Variants in REELD1 observed in about 807,000 individuals in gnomAD.
REELD1 encodes the protein reeler domain containing 1, also known as reelin domain-containing protein 1.
In REELD1, 12 loss-of-function variants were observed where a neutral mutation model predicts 6.3. The ratio of observed to expected loss-of-function variants is 1.89; its 90% CI spans 1.21 to 3.07. REELD1 has a LOEUF of 3.07. Ranked by LOEUF, REELD1 falls within the 30% of genes most tolerant of loss-of-function variation. The pLI is 0.00. For synonymous variants in REELD1, 57 were observed against 33.6 expected (o/e 1.70, Z -2.42); for missense variants, 163 against 86.8 (o/e 1.88, Z -3.49).
intron 5 of REELD1, among the ~76,000 whole-genome samples, chr4:146,226,234 C>A (rs141351772): frequency 1.1e-3 from 161 of 152,282 alleles, no homozygotes; most frequent in African/African-American, 3.7e-3. Context: ...TAGGTATGGT[C>A]TACTTTTATA....
At chr4:146,224,688 C>T (rs926796997) in intron 5 of REELD1, 80 bp downstream of exon 5, 5 of 670,252 alleles carry the variant, frequency 7.5e-6, no homozygotes, top group Non-Finnish European at 1.1e-5. Flanking sequence ...AAAGTTACTA[C>T]TGCCAGTTTC....
At chr4:146,226,209 C>T (rs1030386654) in intron 5 of REELD1, among the ~76,000 whole-genome samples, 11 of 152,134 alleles carry the variant, frequency 7.2e-5, no homozygotes, top group Admixed American at 2.0e-4. Flanking sequence ...CACTTTGAGT[C>T]CTCCTCCACC....
chr4:146,226,966 T>C (rs1731034285), intron 5 of REELD1, among the ~76,000 whole-genome samples: 1 of 152,114 alleles, frequency 6.6e-6, no homozygotes. Context: ...AGAGACAGGG[T>C]TTCCCCACGT....
intron 4 of REELD1, among the ~76,000 whole-genome samples, chr4:146,223,515 G>T (rs1435155127): frequency 6.6e-6 from 1 of 152,232 alleles, no homozygotes; most frequent in Non-Finnish European, 1.5e-5. Context: ...CGCAGAGGGT[G>T]TCTGCTTCTT....
In REELD1 at chr4:146,230,333, C is replaced by T. The variant is rs1578703932; in HGVS notation, c.1401C>T (p.Thr467=). ...CCGCTGGCCTTCGCTACCTGCACAC[C>T]CAGTATTGCCACCAGCAGACAGAAG... ...ALAAGLRYLH[T]QYCHQQTEVS... is the part of the protein sequence containing the mutation. Residue 467 remains threonine, a synonymous_variant, in exon 8 of 8, where the codon ACC becomes ACT. Transcript: ENST00000623665. The T allele has an allele frequency of 5.0e-6, 2 of 398,900 alleles. No individual in the cohort carries two copies. The highest frequency in any genetic ancestry group is 7.1e-5 in the East Asian group (2 of 28,074). The allele number at this position is 398,900 out of a possible 1,614,324, so 24.7% of individuals were successfully genotyped here. A position where few individuals can be genotyped will look rare whatever the true frequency, so the allele number is the denominator to read the frequency against.
chr4:146,222,718 T>C (rs2110920159), intron 4 of REELD1, 139 bp downstream of exon 4: 1 of 397,068 alleles, frequency 2.5e-6, no homozygotes, highest in South Asian at 1.4e-4. Flanking sequence ...TCATGGATGC[T>C]GCCTAAACTG....
chr4:146,215,243 G>A (rs1730803059), intron 2 of REELD1, 45 bp downstream of exon 2: 1 of 152,148 alleles, frequency 6.6e-6, no homozygotes, highest in African/African-American at 2.4e-5. Flanking sequence ...TTTGTATGTG[G>A]CCCTTATGAA....
In REELD1 at chr4:146,222,358, G is replaced by C; in HGVS notation, c.210G>C (p.Val70=). The C allele has an allele frequency of 2.5e-6, 1 of 398,604 alleles. No homozygotes were observed. The highest frequency in any genetic ancestry group is 4.4e-6 in the Non-Finnish European group (1 of 226,068). 24.7% of individuals were successfully genotyped at this position (398,604 alleles called of 1,614,324 possible). A position where few individuals can be genotyped will look rare whatever the true frequency, so the allele number is the denominator to read the frequency against. The change falls in exon 4 of 8, where the codon GTG becomes GTC. Residue 70 remains valine (V), a splice_region_variant and synonymous_variant. Coordinates refer to ENST00000623665, the MANE Select transcript of REELD1 (RefSeq NM_001354631.1). ...GTTGAACGGGTGTTTTTGTTGCAGTGACAGTGAGAAGCAGTCGTGATTTCA... is the reference window on the plus strand; with the variant it reads ...GTTGAACGGGTGTTTTTGTTGCAGTCACAGTGAGAAGCAGTCGTGATTTCA... The part of the protein sequence containing the change: ...TSYAPGDKIP[V]TVRSSRDFMG...
Position 146,228,522 on chromosome 4 carries a change from G to C in REELD1, c.908G>C (p.Arg303Thr), listed in dbSNP as rs1451454563. The C allele has an allele frequency of 1.4e-6, 1 of 700,812 alleles. No individual in the cohort carries two copies. The highest frequency in any genetic ancestry group is 1.5e-5 in the South Asian group (1 of 67,434). 43.4% of individuals were successfully genotyped at this position (700,812 alleles called of 1,614,324 possible). The change falls in exon 6 of 8, where the codon AGA (arginine) becomes ACA (threonine). Residue 303 changes from arginine to threonine, a missense_variant and splice_region_variant. Coordinates refer to ENST00000623665, the MANE Select transcript of REELD1 (RefSeq NM_001354631.1). ...SFASSLSTHH[R>T]TQDDPSFDSL... is the part of the protein sequence containing the mutation. ...GCTTCCAGCCTTAGCACCCATCACA[G>C]GTAAGGGTGATGGGTGGGCCATTCA...
At chr4:146,229,520 T>A (rs544679526) in intron 7 of REELD1, among the ~76,000 whole-genome samples, 1 of 152,332 alleles carries the variant, frequency 6.6e-6, no homozygotes, top group South Asian at 2.1e-4. Flanking sequence ...CTTACATTTC[T>A]CAGAACCTAC....
chr4:146,222,149 T>TA (rs1428898656), intron 3 of REELD1, among the ~76,000 whole-genome samples: 1 of 152,224 alleles, frequency 6.6e-6, no homozygotes, highest in African/African-American at 2.4e-5. Flanking sequence ...AAAAAGTTTC[T>TA]AGTTATTTTT....
rs556684235 is a variant in REELD1, at chr4:146,222,998, T to G, written c.431+419T>G. ...TCTTGAGGCTCTGTGCCTTGGCTTG[T>G]TTTCTATAAATGGGCATAACCACAG... On this transcript the variant is annotated intron_variant, in intron 4 of 7. Transcript: ENST00000623665. 2.0e-5 allele frequency among the ~76,000 whole-genome samples: 3 copies of G among 152,182 alleles called. No individual in the cohort carries two copies. The South Asian group carries it at 6.2e-4, about 32-fold the overall frequency.
intron 5 of REELD1, among the ~76,000 whole-genome samples, chr4:146,226,104 T>C (rs1731017119): frequency 6.6e-6 from 1 of 152,182 alleles, no homozygotes; most frequent in Non-Finnish European, 1.5e-5. Flanking sequence ...TTCTTAACTG[T>C]ACAAAGAATT....
chr4:146,221,870 T>A (rs1730929422), intron 3 of REELD1, among the ~76,000 whole-genome samples: 1 of 151,812 alleles, frequency 6.6e-6, no homozygotes, highest in Admixed American at 6.6e-5. Flanking sequence ...AAAAAAAAAA[T>A]TATTACTAAG....
In REELD1 at chr4:146,230,371, A is replaced by G. The variant is rs866400300; in HGVS notation, c.1439A>G (p.Glu480Gly). The G allele has an allele frequency of 7.5e-6, 3 of 398,666 alleles. No homozygotes were observed. The highest frequency in any genetic ancestry group is 1.2e-3 in the Middle Eastern group (2 of 1,610). The allele number at this position is 398,666 out of a possible 1,614,324, so 24.7% of individuals were successfully genotyped here. The change falls in exon 8 of 8, where the codon GAG becomes GGG. Residue 480 changes from glutamate (E) to glycine (G), a missense_variant. Transcript: ENST00000623665. Reference sequence around the variant, plus strand: ...CAGCAGACAGAAGTGTCTTTCAGTGAGCCCGCTTCGGATGCTGTTGCCAGG... The same window carrying G: ...CAGCAGACAGAAGTGTCTTTCAGTGGGCCCGCTTCGGATGCTGTTGCCAGG... ...CHQQTEVSFS[E>G]PASDAVARSN...
rs549987764 is a variant in REELD1 at position 146,228,200 on chromosome 4, C to T, written c.596-10C>T. The T allele has an allele frequency of 1.4e-4, 96 of 699,644 alleles. No homozygotes were observed. Among genetic ancestry groups the T allele is most frequent in the African/African-American group, 1.2e-3 (71 of 57,330 alleles). 43.3% of individuals were successfully genotyped at this position (699,644 alleles called of 1,614,324 possible). Reference sequence around the variant, plus strand: ...CACTCACTCTGCGCTGTCTTTGGACCTCTGCTTAGCTCCCAGGACCCCCAT... The same window carrying T: ...CACTCACTCTGCGCTGTCTTTGGACTTCTGCTTAGCTCCCAGGACCCCCAT... On this transcript the variant is annotated splice_polypyrimidine_tract_variant and intron_variant, in intron 5 of 7. Transcript: ENST00000623665.
At chr4:146,219,483 C>G (rs1730882980) in intron 3 of REELD1, among the ~76,000 whole-genome samples, 2 of 152,120 alleles carry the variant, frequency 1.3e-5, no homozygotes, top group Admixed American at 1.3e-4. Context: ...TTCAATAGTT[C>G]TAAATATTTG....
At chr4:146,225,672 T>C (rs1731008539) in intron 5 of REELD1, among the ~76,000 whole-genome samples, 1 of 152,226 alleles carries the variant, frequency 6.6e-6, no homozygotes, top group African/African-American at 2.4e-5. Context: ...TTATGAATGA[T>C]GCAAGTATCA....
rs1035512800 is a variant in REELD1 at position 146,230,025 on chromosome 4, A to C, written c.1093A>C (p.Asn365His). 22 of 398,604 alleles carry C rather than the reference A, an allele frequency of 5.5e-5. No homozygotes were observed. Among genetic ancestry groups the C allele is most frequent in the Non-Finnish European group, 4.4e-6 (1 of 226,128 alleles). 24.7% of individuals were successfully genotyped at this position (398,604 alleles called of 1,614,324 possible). Reference sequence around the variant, plus strand: ...CACAGGGAATGGGGTCAGGGCAAGCAACCCAATCCCTGTCCTCCAGACCTC... The same window carrying C: ...CACAGGGAATGGGGTCAGGGCAAGCCACCCAATCCCTGTCCTCCAGACCTC... ...TFTGNGVRAS[N>H]PIPVLQTSGT... The change falls in exon 8 of 8, where the codon AAC (asparagine) becomes CAC (histidine). Residue 365 changes from asparagine to histidine, a missense_variant. Physicochemically the swap from Asn to His is moderately conservative, Grantham distance 68. Transcript: ENST00000623665.
Sources: gnomAD v4.1 joint callset for allele counts (sites outside exome capture counted in the v4.1 genomes callset) on GRCh38, gnomAD v4.1.1 for gene constraint, MANE v1.5 for transcripts, NCBI Gene and HGNC (gene_info 2026-07-23, HGNC 2026-07-21) for gene names.